The following STARD4 variants were observed in gnomAD, a reference collection of about 807,000 sequenced individuals.
STARD4 encodes stAR-related lipid transfer protein 4.
A neutral mutation model predicts 24.9 loss-of-function variants in STARD4; 33 were observed. That is an observed-to-expected ratio of 1.32 (90% CI 1.00 to 1.77). The LOEUF (loss-of-function observed/expected upper bound fraction) is 1.77. STARD4 is among the 40% of genes most tolerant of loss of function. The pLI is 0.00. For synonymous variants in STARD4, 88 were observed against 77.4 expected (o/e 1.14, Z -0.72); for missense variants, 238 against 249.3 (o/e 0.95, Z 0.31).
chr5:111,500,970 TG>T, intron 5 of STARD4, 31 bp downstream of exon 5: 2 of 1,613,358 alleles, frequency 1.2e-6, no homozygotes, highest in South Asian at 2.2e-5. Context: ...TAAACCATAC[TG>T]AAAAAAAGCA....
rs372859590 is a variant in STARD4 at position 111,499,911 on chromosome 5, T to C, written c.593A>G (p.Tyr198Cys). ...TAMASTLTNFYGDLRKAL is the reference protein window; with the variant it reads ...TAMASTLTNFCGDLRKAL The stretch of plus-strand genomic sequence containing the variant: ...TCATAAAGCTTTTCGTAAATCACCA[T>C]AGAAGTTGGTTAAAGTGCTTGCCAT... Residue 198 changes from tyrosine (Y) to cysteine (C), a missense_variant, in exon 6 of 6, where the codon TAT becomes TGT. Transcript: ENST00000296632. The C allele has an allele frequency of 4.0e-5, 64 of 1,614,090 alleles. 1 individual carries two copies. In the South Asian group the frequency reaches 4.9e-4, roughly 12 times the overall value.
Position 111,501,019 on chromosome 5 carries a change from T to C in STARD4, c.380A>G (p.Glu127Gly), listed in dbSNP as rs1328820011. The change falls in exon 5 of 6, where the codon GAA (glutamate) becomes GGA (glycine). Residue 127 changes from glutamate to glycine, a missense_variant. Glu to Gly is a moderately conservative substitution (Grantham distance 98). Transcript: ENST00000296632. ...ATTATTACCACAAGATAAAAGCCCT[T>C]CTTTATAGCCCACAGTATAGGAGAA... ...VDFSYTVGYKEGLLSCGISLD... is the reference protein window; with the variant it reads ...VDFSYTVGYKGGLLSCGISLD... The C allele has an allele frequency of 5.6e-6, 9 of 1,613,838 alleles. No homozygotes were observed. The highest frequency in any genetic ancestry group is 7.6e-6 in the Non-Finnish European group (9 of 1,179,890).
In STARD4 at chr5:111,497,685, C is replaced by T. The variant is rs1417401592; in HGVS notation, c.*2201G>A. On this transcript the variant is annotated 3_prime_UTR_variant, in exon 6 of 6. Coordinates refer to ENST00000296632, the MANE Select transcript of STARD4 (RefSeq NM_139164.3). ...ATTTTTTAATTACATATATCACTTA[C>T]ATTATTGTTCTATCCTACAGCATTG... 1 of 151,942 alleles carries T rather than the reference C, an allele frequency of 6.6e-6. No individual in the cohort carries two copies. Among genetic ancestry groups the T allele is most frequent in the Admixed American group, 6.6e-5 (1 of 15,254 alleles). 9.4% of individuals were successfully genotyped at this position (151,942 alleles called of 1,614,324 possible). A position where few individuals can be genotyped will look rare whatever the true frequency, so the allele number is the denominator to read the frequency against.
rs115989344 is a variant in STARD4 at position 111,505,567 on chromosome 5, A to T, written c.155+763T>A. 5.1e-3 allele frequency among the ~76,000 whole-genome samples: 783 copies of T among 152,310 alleles called. 8 individuals carry two copies. The highest frequency in any genetic ancestry group is 0.018 in the African/African-American group (746 of 41,570). On this transcript the variant is annotated intron_variant, in intron 3 of 5. Transcript: ENST00000296632. ...ATGTGGTTTTTAAAGGCTATAGCAT[A>T]TTCTATCACAAATGTTTCCTACTGA...
rs1015784252 is a variant in STARD4, at chr5:111,500,819, G to C, written c.397+183C>G. ...TGTAACTGGGAACAAAAACTTATCA[G>C]AAGGGTTTCAAAACTCTTTTGATAT... On this transcript the variant is annotated intron_variant, in intron 5 of 5. Transcript: ENST00000296632. 2.7e-5 allele frequency: 41 copies of C among 1,495,094 alleles called. No homozygotes were observed. The Middle Eastern group carries it at 8.6e-4, about 31-fold the overall frequency. The allele number at this position is 1,495,094 out of a possible 1,614,324, so 92.6% of individuals were successfully genotyped here. A position where few individuals can be genotyped will look rare whatever the true frequency, so the allele number is the denominator to read the frequency against.
chr5:111,496,848 A>G lies in STARD4; in HGVS notation c.*3038T>C, dbSNP rs1229427316. On this transcript the variant is annotated 3_prime_UTR_variant, in exon 6 of 6. Coordinates refer to ENST00000296632, the MANE Select transcript of STARD4 (RefSeq NM_139164.3). ...ATATCCAACCTGAATGAACACTGAA[A>G]TAAAAAGATTTTTAAGATTTACAAG... 6.6e-6 allele frequency: 1 copy of G among 152,078 alleles called. No homozygotes were observed. The highest frequency in any genetic ancestry group is 1.5e-5 in the Non-Finnish European group (1 of 67,950). The allele number at this position is 152,078 out of a possible 1,614,324, so 9.4% of individuals were successfully genotyped here. A position where few individuals can be genotyped will look rare whatever the true frequency, so the allele number is the denominator to read the frequency against.
chr5:111,500,172 AT>A (rs1305138558), intron 5 of STARD4, 66 bp from the exon 6 acceptor site: 1 of 1,437,628 alleles, frequency 7.0e-7, no homozygotes, highest in Non-Finnish European at 9.2e-7. Context: ...TCATTTTAAA[AT>A]ATTACCAGAA....
At chr5:111,512,084 A>C (rs1349547873) in intron 1 of STARD4, 2 of 152,370 alleles carry the variant, frequency 1.3e-5, no homozygotes, top group Admixed American at 1.3e-4. Flanking sequence ...AGCTGAGGAC[A>C]CTGAGGTCTA....
At chr5:111,505,506 A>G (rs1004941649) in intron 3 of STARD4, among the ~76,000 whole-genome samples, 9 of 152,116 alleles carry the variant, frequency 5.9e-5, no homozygotes, top group African/African-American at 1.9e-4. Flanking sequence ...AAAAAACAAT[A>G]TATTATTTTC....
At position 111,503,255 on chromosome 5, in the gene STARD4, C is replaced by A. The variant is rs1038024546; in HGVS notation, c.156-1167G>T. On this transcript the variant is annotated intron_variant, in intron 3 of 5. Coordinates refer to ENST00000296632, the MANE Select transcript of STARD4 (RefSeq NM_139164.3). The stretch of plus-strand genomic sequence containing the variant: ...TGGTGTGCCTAGATTCAATAGTTAT[C>A]CTTATGGAGAAAATAAAACTTAGAT... 1.8e-4 allele frequency among the ~76,000 whole-genome samples: 27 copies of A among 152,240 alleles called. 1 individual carries two copies. Among genetic ancestry groups the A allele is most frequent in the African/African-American group, 4.8e-4 (20 of 41,544 alleles).
chr5:111,506,297 A>C (rs1334142616), intron 3 of STARD4, 33 bp downstream of exon 3: 5 of 1,294,544 alleles, frequency 3.9e-6, no homozygotes, highest in African/African-American at 1.5e-5. Flanking sequence ...GAAATGTCTT[A>C]AGAGCTGTGT....
intron 1 of STARD4, among the ~76,000 whole-genome samples, chr5:111,511,409 C>A (rs1241881053): frequency 6.6e-6 from 1 of 152,144 alleles, no homozygotes; most frequent in African/African-American, 2.4e-5. Flanking sequence ...ATTTAATCCT[C>A]ACAACAGTAA....
intron 1 of STARD4, among the ~76,000 whole-genome samples, chr5:111,509,199 A>G (rs985295358): frequency 2.0e-5 from 3 of 152,162 alleles, no homozygotes; most frequent in African/African-American, 7.2e-5. Flanking sequence ...TAATTTATCT[A>G]TTACAGGGAT....
At chr5:111,501,150 TA>T in intron 4 of STARD4, 34 bp from the exon 5 acceptor site, 2 of 1,557,506 alleles carry the variant, frequency 1.3e-6, no homozygotes, top group African/African-American at 2.8e-5. Context: ...GTGTTACTAC[TA>T]TAGGAAACAT....
At position 111,500,270 on chromosome 5, in the gene STARD4, G is replaced by A. The variant is rs540284827; in HGVS notation, c.398-164C>T. The A allele has an allele frequency of 7.4e-6, 10 of 1,343,674 alleles. No individual in the cohort carries two copies. The South Asian group carries it at 1.1e-4, about 14-fold the overall frequency. 83.2% of individuals were successfully genotyped at this position (1,343,674 alleles called of 1,614,324 possible). On this transcript the variant is annotated intron_variant, in intron 5 of 5. Coordinates refer to ENST00000296632, the MANE Select transcript of STARD4 (RefSeq NM_139164.3). Reference sequence around the variant, plus strand: ...GCAGAGTGAAAAAGAGACTTACCAAGGAGAATTCTGACAAGAGGTTGGCAG... The same window carrying A: ...GCAGAGTGAAAAAGAGACTTACCAAAGAGAATTCTGACAAGAGGTTGGCAG...
At chr5:111,502,907 T>A (rs979692602) in intron 3 of STARD4, among the ~76,000 whole-genome samples, 1 of 152,054 alleles carries the variant, frequency 6.6e-6, no homozygotes, top group Non-Finnish European at 1.5e-5. Flanking sequence ...GTACCCTTCG[T>A]CCTCAAATCT....
rs939967022 is a variant in STARD4, at chr5:111,507,604, G to A, written c.-9-162C>T. ...ATCATAATCTCTGAGAGTAGGACCC[G>A]GGCATAGTTTTTTTCTAATTGCTCC... On this transcript the variant is annotated intron_variant, in intron 1 of 5. Coordinates refer to ENST00000296632, the MANE Select transcript of STARD4 (RefSeq NM_139164.3). The surrounding 1 kb of genome is among the most constrained non-coding windows in gnomAD (Gnocchi z 4.4). Among the ~76,000 whole-genome samples, 2 of 152,062 alleles carry A rather than the reference G, an allele frequency of 1.3e-5. No homozygotes were observed. The highest frequency in any genetic ancestry group is 4.8e-5 in the African/African-American group (2 of 41,386).
At chr5:111,504,097 G>A (rs1399237953) in intron 3 of STARD4, among the ~76,000 whole-genome samples, 1 of 152,198 alleles carries the variant, frequency 6.6e-6, no homozygotes, top group African/African-American at 2.4e-5. Flanking sequence ...GGAGGGGGAT[G>A]AGAATCCTGA....
At chr5:111,501,148 A>ATGTTATCCAGTATGTTATCCAGTATGT (rs1395646787) in intron 4 of STARD4, 32 bp from the exon 5 acceptor site, 1 of 1,558,020 alleles carries the variant, frequency 6.4e-7, no homozygotes, top group South Asian at 1.2e-5. Context: ...AAGTGTTACT[A>ATGTTATCCAGTATGTTATCCAGTATGT]CTATAGGAAA....
Sources: gnomAD v4.1 joint callset for allele counts (sites outside exome capture counted in the v4.1 genomes callset) on GRCh38, gnomAD v4.1.1 for gene constraint, Gnocchi (gnomAD v3.1) non-coding constraint, MANE v1.5 for transcripts, NCBI Gene and HGNC (gene_info 2026-07-23, HGNC 2026-07-21) for gene names.